Variants in DLGAP1 observed in about 807,000 individuals in gnomAD.
DLGAP1 encodes disks large-associated protein 1.
In DLGAP1, 11 loss-of-function variants were observed where a neutral mutation model predicts 90.8. That is an observed-to-expected ratio of 0.12 (90% CI 0.08 to 0.20). DLGAP1 has a LOEUF of 0.20. Among genes scored for constraint, DLGAP1 ranks in the 10% least tolerant of loss-of-function variants. DLGAP1 has a pLI of 1.00. For missense variants in DLGAP1, 1,050 were observed against 1,333.8 expected, an observed-to-expected ratio of 0.79 and a Z score of 3.31; for synonymous variants, 558 against 540.7, an observed-to-expected ratio of 1.03 and a Z score of -0.44.
chr18:3,906,462 G>A (rs748207063), intron 3 of DLGAP1, among the ~76,000 whole-genome samples: 1 of 152,122 alleles, frequency 6.6e-6, no homozygotes, highest in East Asian at 1.9e-4. Flanking sequence ...TGAAAACACA[G>A]TCAGGCTGCC....
intron 11 of DLGAP1, among the ~76,000 whole-genome samples, chr18:3,507,234 C>T (rs1387307081): frequency 1.3e-5 from 2 of 152,040 alleles, no homozygotes; most frequent in East Asian, 1.9e-4. Context: ...GCCTGTAATA[C>T]CAGCACTTTG....
At position 4,189,999 on chromosome 18, in the gene DLGAP1, C is replaced by A. The variant is rs149181348; in HGVS notation, c.-266-38712G>T. ...AGACAGCCTAGCAGTTTTATGCAAACCTTATCAAAGGCTTGTGATAACATA... is the reference window on the plus strand; with the variant it reads ...AGACAGCCTAGCAGTTTTATGCAAAACTTATCAAAGGCTTGTGATAACATA... On this transcript the variant is annotated intron_variant, in intron 1 of 12. Coordinates refer to ENST00000315677, the MANE Select transcript of DLGAP1 (RefSeq NM_004746.4). Among the ~76,000 whole-genome samples, 42 of 152,138 alleles carry A rather than the reference C, an allele frequency of 2.8e-4. No homozygotes were observed. In the East Asian group the frequency reaches 6.0e-3, roughly 22 times the overall value.
chr18:4,246,916 TTCA>T (rs2078664435), intron 1 of DLGAP1, among the ~76,000 whole-genome samples: 1 of 152,160 alleles, frequency 6.6e-6, no homozygotes, highest in Non-Finnish European at 1.5e-5. Context: ...TACCAATTCT[TTCA>T]TCATCATATC....
At chr18:4,439,497 T>A (rs2083478066) in intron 1 of DLGAP1, among the ~76,000 whole-genome samples, 1 of 152,208 alleles carries the variant, frequency 6.6e-6, no homozygotes, top group Non-Finnish European at 1.5e-5. Flanking sequence ...TGAATTCCTT[T>A]ACAAAGGGTG....
At chr18:3,720,063 C>T (rs1049800522) in intron 7 of DLGAP1, among the ~76,000 whole-genome samples, 1 of 152,178 alleles carries the variant, frequency 6.6e-6, no homozygotes, top group Non-Finnish European at 1.5e-5. Context: ...TACATCTCTA[C>T]AGCATGAAAC....
At chr18:3,646,784 G>T (rs2059132463) in intron 7 of DLGAP1, among the ~76,000 whole-genome samples, 1 of 152,016 alleles carries the variant, frequency 6.6e-6, no homozygotes, top group Non-Finnish European at 1.5e-5. Flanking sequence ...AATTAGCCGG[G>T]CGTGGTGGTG....
intron 4 of DLGAP1, among the ~76,000 whole-genome samples, chr18:3,817,556 C>T (rs3850806): frequency 0.76 from 115,286 of 152,068 alleles, 43,972 homozygotes; most frequent in African/African-American, 0.83. Context: ...AAATCGAGAC[C>T]TTGGAGAAGA....
intron 3 of DLGAP1, among the ~76,000 whole-genome samples, chr18:3,987,273 T>A (rs1407481024): frequency 6.6e-6 from 1 of 152,150 alleles, no homozygotes; most frequent in Non-Finnish European, 1.5e-5. Context: ...GCAGAGCAGC[T>A]CCTCTTCCAG....
intron 4 of DLGAP1, among the ~76,000 whole-genome samples, chr18:3,817,208 T>C (rs890865241): frequency 6.6e-6 from 1 of 152,218 alleles, no homozygotes; most frequent in Non-Finnish European, 1.5e-5. Context: ...TGTCAGAGAC[T>C]AATGACAAAC....
chr18:3,603,850 T>C (rs936477705), intron 7 of DLGAP1: 15 of 154,310 alleles, frequency 9.7e-5, no homozygotes, highest in African/African-American at 3.6e-4. Flanking sequence ...GAAACACCTA[T>C]TGTTCAAAAT....
intron 5 of DLGAP1, among the ~76,000 whole-genome samples, chr18:3,769,562 T>A (rs1349454709): frequency 6.6e-6 from 1 of 152,152 alleles, no homozygotes; most frequent in East Asian, 1.9e-4. Flanking sequence ...AGCAACAGCC[T>A]GGATGAATTT....
At chr18:3,874,112 A>G in intron 4 of DLGAP1, 1 of 1,549,236 alleles carries the variant, frequency 6.5e-7, no homozygotes, top group Non-Finnish European at 8.7e-7. Context: ...TCAACACCAC[A>G]CTATTACCAA....
intron 1 of DLGAP1, among the ~76,000 whole-genome samples, chr18:4,255,470 T>C (rs915428486): frequency 6.8e-6 from 1 of 146,488 alleles, no homozygotes; most frequent in Non-Finnish European, 1.5e-5. Context: ...AAAAGAGAGA[T>C]ATACATATAT....
intron 5 of DLGAP1, chr18:3,774,193 T>C (rs1306330584): frequency 6.6e-6 from 1 of 152,206 alleles, no homozygotes; most frequent in Non-Finnish European, 1.5e-5. Context: ...AAAGCTGAGA[T>C]TTCCTGTTAA....
At chr18:3,511,219 A>G in intron 10 of DLGAP1, among the ~76,000 whole-genome samples, 1 of 152,168 alleles carries the variant, frequency 6.6e-6, no homozygotes. Flanking sequence ...TGTCCTCCAC[A>G]CTTTCTTTTC....
intron 2 of DLGAP1, among the ~76,000 whole-genome samples, chr18:4,036,272 G>A (rs2074887581): frequency 6.6e-6 from 1 of 152,162 alleles, no homozygotes; most frequent in Non-Finnish European, 1.5e-5. Context: ...GGTGTGAAGA[G>A]GACATGCAAA....
chr18:3,818,355 T>C lies in DLGAP1; in HGVS notation c.958-4082A>G, dbSNP rs1402868233. On this transcript the variant is annotated intron_variant, in intron 4 of 12. Transcript: ENST00000315677. ...TAGGGATGTAGGGATGGTTTTTTTTTTTTTTTTTTTTTTTTTTTTTTTGAG... is the reference window on the plus strand; with the variant it reads ...TAGGGATGTAGGGATGGTTTTTTTTCTTTTTTTTTTTTTTTTTTTTTTGAG... Among the ~76,000 whole-genome samples, 3 of 17,092 alleles carry C rather than the reference T, an allele frequency of 1.8e-4. No homozygotes were observed. The East Asian group carries it at 2.6e-3, about 15-fold the overall frequency. The allele number at this position is 17,092 out of a possible 152,430, so 11.2% of individuals were successfully genotyped here.
chr18:4,172,604 G>A (rs1039019466), intron 1 of DLGAP1, among the ~76,000 whole-genome samples: 1 of 152,100 alleles, frequency 6.6e-6, no homozygotes, highest in African/African-American at 2.4e-5. Flanking sequence ...AAAATAGAAT[G>A]ATTCAACATA....
chr18:4,148,970 T>C (rs62088903), intron 2 of DLGAP1, among the ~76,000 whole-genome samples: 5,014 of 152,304 alleles, frequency 0.033, 109 homozygotes, highest in Non-Finnish European at 0.048. Flanking sequence ...TAAATCTGTT[T>C]TGCCAGCTGA....
Sources: gnomAD v4.1 joint callset for allele counts (sites outside exome capture counted in the v4.1 genomes callset) on GRCh38, gnomAD v4.1.1 for gene constraint, MANE v1.5 for transcripts, NCBI Gene and HGNC (gene_info 2026-07-23, HGNC 2026-07-21) for gene names.